SLC25A17: variants seen among roughly 807,000 people sequenced by gnomAD.
SLC25A17 encodes the protein peroxisomal membrane protein PMP34.
A neutral mutation model predicts 38.5 loss-of-function variants in SLC25A17; 26 were observed. The ratio of observed to expected loss-of-function variants is 0.68; its 90% CI spans 0.50 to 0.94. SLC25A17 has a LOEUF of 0.94. Among genes scored for constraint, SLC25A17 ranks in the 40% least tolerant of loss-of-function variants. The pLI, the probability that SLC25A17 is intolerant of heterozygous loss-of-function variation, is 0.00. For missense variants in SLC25A17, 333 were observed against 372.7 expected (o/e 0.89, Z 0.88); for synonymous variants, 139 against 136.2 (o/e 1.02, Z -0.14).
At position 40,779,051 on chromosome 22, in the gene SLC25A17, T is replaced by C; in HGVS notation, c.409A>G (p.Arg137Gly). 6.2e-7 allele frequency: 1 copy of C among 1,614,216 alleles called. No homozygotes were observed. Among genetic ancestry groups the C allele is most frequent in the Non-Finnish European group, 8.5e-7 (1 of 1,180,028 alleles). Residue 137 changes from arginine to glycine, a missense_variant, in exon 5 of 9, where the codon AGG (arginine) becomes GGG (glycine). By Grantham distance (125) the Arg-to-Gly change is moderately radical. Transcript: ENST00000435456. ...TRLKLQGAKFRNEDIVPTNYK... is the reference protein window; with the variant it reads ...TRLKLQGAKFGNEDIVPTNYK... ...TTTGTTGGTACAATGTCTTCATTCC[T>C]AAATTTTGCTCCTTGAAGCTTCAGT... is the stretch of plus-strand genomic sequence containing the variant.
intron 8 of SLC25A17, among the ~76,000 whole-genome samples, chr22:40,771,627 G>A (rs1336015269): frequency 6.6e-6 from 1 of 152,120 alleles, no homozygotes; most frequent in African/African-American, 2.4e-5. Context: ...AATATCGCAT[G>A]TTCTCACTTA....
At chr22:40,817,232 C>T (rs1322161804) in intron 1 of SLC25A17, 1 of 152,404 alleles carries the variant, frequency 6.6e-6, no homozygotes, top group Non-Finnish European at 1.5e-5. Context: ...GCATCTGACC[C>T]AGCTGGTCTA....
chr22:40,772,791 A>T (rs747249782), intron 8 of SLC25A17, among the ~76,000 whole-genome samples: 1 of 151,826 alleles, frequency 6.6e-6, no homozygotes, highest in Non-Finnish European at 1.5e-5. Context: ...TTTGTGCCAC[A>T]TGCTTGGCTA....
intron 1 of SLC25A17, among the ~76,000 whole-genome samples, chr22:40,805,844 C>T (rs1416025443): frequency 2.0e-5 from 3 of 152,140 alleles, no homozygotes; most frequent in African/African-American, 7.2e-5. Context: ...TATTTTAAGC[C>T]ACTAAGTCTT....
intron 2 of SLC25A17, among the ~76,000 whole-genome samples, chr22:40,798,724 T>C (rs1032543230): frequency 1.4e-5 from 2 of 147,378 alleles, no homozygotes; most frequent in African/African-American, 2.5e-5. Flanking sequence ...TCCCAGCACT[T>C]TGGGAGGCCA....
intron 4 of SLC25A17, among the ~76,000 whole-genome samples, chr22:40,788,318 C>G (rs938646685): frequency 2.0e-5 from 3 of 152,136 alleles, no homozygotes; most frequent in African/African-American, 7.2e-5. Flanking sequence ...GATATGGTAA[C>G]TACATTGTAC....
intron 4 of SLC25A17, among the ~76,000 whole-genome samples, chr22:40,782,373 TTTTC>T (rs1455431149): frequency 3.3e-5 from 5 of 152,218 alleles, no homozygotes; most frequent in African/African-American, 4.8e-5. Flanking sequence ...TATAATTCTA[TTTTC>T]TTTCTTTCTT....
chr22:40,801,396 G>C (rs1202639582), intron 1 of SLC25A17, among the ~76,000 whole-genome samples: 1 of 151,734 alleles, frequency 6.6e-6, no homozygotes, highest in Non-Finnish European at 1.5e-5. Context: ...ATATACTACA[G>C]TGAAATCCAA....
chr22:40,774,970 C>T (rs1209912790), intron 7 of SLC25A17, among the ~76,000 whole-genome samples: 3 of 152,110 alleles, frequency 2.0e-5, no homozygotes, highest in Non-Finnish European at 4.4e-5. Context: ...CACCGTGGTC[C>T]AGGCCACCAT....
In SLC25A17 at chr22:40,777,385, A is replaced by G. The variant is rs2057255820; in HGVS notation, c.452-12T>C. On this transcript the variant is annotated splice_polypyrimidine_tract_variant and intron_variant, in intron 5 of 8. Transcript: ENST00000435456. Reference sequence around the variant, plus strand: ...CTGATGAAAAGCATCTAAGCAAGAAATCAGGGACTTTTGAAAAGCATGATC... The same window carrying G: ...CTGATGAAAAGCATCTAAGCAAGAAGTCAGGGACTTTTGAAAAGCATGATC... 6.2e-7 allele frequency: 1 copy of G among 1,605,024 alleles called. No homozygotes were observed. The highest frequency in any genetic ancestry group is 1.3e-5 in the African/African-American group (1 of 74,442).
intron 2 of SLC25A17, among the ~76,000 whole-genome samples, chr22:40,798,660 TAAAAA>T (rs10640211): frequency 6.7e-5 from 5 of 74,378 alleles, no homozygotes; most frequent in South Asian, 6.0e-4. Context: ...CACACATACA[TAAAAA>T]AAAAAAAAAA....
intron 1 of SLC25A17, among the ~76,000 whole-genome samples, chr22:40,814,768 TA>T (rs2057618909): frequency 4.9e-5 from 1 of 20,494 alleles, no homozygotes; most frequent in Non-Finnish European, 9.9e-5. Context: ...TATATATATA[TA>T]TATATATATA....
chr22:40,787,853 C>T (rs908247591), intron 4 of SLC25A17, among the ~76,000 whole-genome samples: 5 of 152,148 alleles, frequency 3.3e-5, no homozygotes, highest in African/African-American at 9.7e-5. Context: ...AAGAAAATGA[C>T]TAAAACAAAA....
chr22:40,803,156 C>T (rs558044491), intron 1 of SLC25A17, among the ~76,000 whole-genome samples: 3 of 152,086 alleles, frequency 2.0e-5, no homozygotes, highest in African/African-American at 7.2e-5. Context: ...ATGGGGTCTC[C>T]CTGTGTTGCC....
chr22:40,796,655 C>T (rs577662542), intron 2 of SLC25A17, among the ~76,000 whole-genome samples: 2 of 151,704 alleles, frequency 1.3e-5, no homozygotes. Context: ...CAATAACCAT[C>T]AAAATTACAA....
At chr22:40,793,150 G>C (rs542007119) in intron 3 of SLC25A17, among the ~76,000 whole-genome samples, 4 of 151,632 alleles carry the variant, frequency 2.6e-5, no homozygotes, top group African/African-American at 9.7e-5. Context: ...AAATAATGAA[G>C]TACAGTAATC....
intron 8 of SLC25A17, 102 bp from the exon 9 acceptor site, chr22:40,771,083 A>G (rs924066611): frequency 1.0e-6 from 1 of 982,322 alleles, no homozygotes; most frequent in Non-Finnish European, 1.4e-6. Context: ...GAGGTTTTAG[A>G]TTTCAACACA....
intron 4 of SLC25A17, chr22:40,788,838 A>G (rs919033726): frequency 8.4e-6 from 2 of 237,714 alleles, no homozygotes; most frequent in Admixed American, 8.1e-5. Flanking sequence ...TTTGAGTTTC[A>G]AATGTTCTGG....
At chr22:40,782,457 C>G (rs896081445) in intron 4 of SLC25A17, among the ~76,000 whole-genome samples, 3 of 152,046 alleles carry the variant, frequency 2.0e-5, no homozygotes, top group Non-Finnish European at 2.9e-5. Context: ...ATTGAACACA[C>G]TAAAATTATT....
Sources: allele counts gnomAD v4.1 joint callset (sites outside exome capture counted in the v4.1 genomes callset), GRCh38; gene constraint gnomAD v4.1.1; transcripts MANE v1.5; gene names NCBI Gene and HGNC (gene_info 2026-07-23, HGNC 2026-07-21).